TENM2: variants seen among roughly 807,000 people sequenced by gnomAD.
TENM2 encodes teneurin-2.
A neutral mutation model predicts 245.2 loss-of-function variants in TENM2; 52 were observed. The observed-to-expected ratio is 0.21, with a 90% CI of 0.17 to 0.27. TENM2 has a LOEUF of 0.27. Ranked by LOEUF, TENM2 falls within the 10% of genes least tolerant of loss-of-function variation. The pLI is 1.00. For missense variants in TENM2, 3,046 were observed against 3,666.8 expected, an observed-to-expected ratio of 0.83 and a Z score of 4.37; for synonymous variants, 1,363 against 1,438.9, an observed-to-expected ratio of 0.95 and a Z score of 1.19.
In TENM2 at chr5:168,157,567, T is replaced by C. The variant is rs189808142; in HGVS notation, c.2423-5044T>C. On this transcript the variant is annotated intron_variant, in intron 12 of 28. Coordinates refer to ENST00000518659, the Ensembl canonical transcript of TENM2. ...ATTTAGGAAGAAGGACAGATAGGAG[T>C]TCTTGCAGTTAAGAGGAAAATTAGG... Among the ~76,000 whole-genome samples, 472 of 151,916 alleles carry C rather than the reference T, an allele frequency of 3.1e-3. 2 individuals carry two copies. The highest frequency in any genetic ancestry group is 5.2e-3 in the Non-Finnish European group (355 of 67,946).
At chr5:167,422,709 T>A (rs962127622) in intron 2 of TENM2, among the ~76,000 whole-genome samples, 1 of 151,970 alleles carries the variant, frequency 6.6e-6, no homozygotes, top group African/African-American at 2.4e-5. Context: ...CAAAGTGGAG[T>A]GTGTAATCCC....
intron 2 of TENM2, among the ~76,000 whole-genome samples, chr5:167,804,119 G>A (rs1765977499): frequency 6.6e-6 from 1 of 151,972 alleles, no homozygotes; most frequent in South Asian, 2.1e-4. Context: ...GAAATTCGAA[G>A]CATTTCTAGT....
chr5:167,187,435 T>C, the TENM2 span, among the ~76,000 whole-genome samples: 7 of 152,206 alleles, frequency 4.6e-5, no homozygotes, highest in African/African-American at 1.7e-4. Context: ...CTTGCAGTTA[T>C]ATGAGACATT....
chr5:167,850,097 C>A (rs1271322905), intron 2 of TENM2, among the ~76,000 whole-genome samples: 1 of 152,158 alleles, frequency 6.6e-6, no homozygotes, highest in Non-Finnish European at 1.5e-5. Flanking sequence ...GACCAGCCCC[C>A]ACATCCCAAA....
intron 5 of TENM2, among the ~76,000 whole-genome samples, chr5:168,004,517 G>GCGCACACA (rs898616203): frequency 0.012 from 1,548 of 132,148 alleles, 11 homozygotes; most frequent in East Asian, 0.023. Flanking sequence ...GCGCGCGCGC[G>GCGCACACA]CACACACACA....
chr5:167,615,259 A>G (rs1048060194), intron 2 of TENM2, among the ~76,000 whole-genome samples: 3 of 152,234 alleles, frequency 2.0e-5, no homozygotes, highest in East Asian at 1.9e-4. Context: ...ATATTTGTTC[A>G]TGATGATTCT....
At chr5:167,410,385 T>C (rs1663500259) in intron 2 of TENM2, among the ~76,000 whole-genome samples, 1 of 152,046 alleles carries the variant, frequency 6.6e-6, no homozygotes, top group African/African-American at 2.4e-5. Flanking sequence ...TAATAAGCCA[T>C]ATGCTTGATG....
intron 5 of TENM2, among the ~76,000 whole-genome samples, chr5:168,015,264 A>T (rs1316190176): frequency 6.6e-6 from 1 of 152,234 alleles, no homozygotes; most frequent in Non-Finnish European, 1.5e-5. Context: ...ATCATGCTTT[A>T]TGTTTGAGAG....
chr5:167,250,339 C>G, the TENM2 span, among the ~76,000 whole-genome samples: 5 of 151,924 alleles, frequency 3.3e-5, no homozygotes, highest in Admixed American at 1.3e-4. Context: ...ACGAAAAAAA[C>G]AGAAAAGCTT....
chr5:167,234,922 G>A, the TENM2 span, among the ~76,000 whole-genome samples: 1 of 152,098 alleles, frequency 6.6e-6, no homozygotes, highest in African/African-American at 2.4e-5. Flanking sequence ...GCTTCTCAAT[G>A]TAACTGCTTT....
intron 6 of TENM2, among the ~76,000 whole-genome samples, chr5:168,051,700 A>G (rs1239681311): frequency 6.6e-6 from 1 of 152,224 alleles, no homozygotes; most frequent in Admixed American, 6.5e-5. Context: ...CACCAGCTCC[A>G]TCACTTAGCA....
At chr5:167,473,977 C>G (rs1240770900) in intron 2 of TENM2, among the ~76,000 whole-genome samples, 1 of 152,110 alleles carries the variant, frequency 6.6e-6, no homozygotes, top group East Asian at 1.9e-4. Context: ...GGTTCTCAAA[C>G]TCTCTGATAT....
chr5:167,252,025 A>C, the TENM2 span, among the ~76,000 whole-genome samples: 3 of 152,142 alleles, frequency 2.0e-5, no homozygotes, highest in Non-Finnish European at 2.9e-5. Flanking sequence ...GCAAAACAAG[A>C]TTGAGGAATG....
At chr5:167,834,602 A>T (rs964610360) in intron 2 of TENM2, among the ~76,000 whole-genome samples, 2 of 151,804 alleles carry the variant, frequency 1.3e-5, no homozygotes, top group African/African-American at 4.8e-5. Context: ...TTCAACTGCC[A>T]TAAACTGGGC....
rs528982919 is a variant in TENM2 at position 168,079,055 on chromosome 5, T to C, written c.1516-11519T>C. On this transcript the variant is annotated intron_variant, in intron 7 of 28. Coordinates refer to ENST00000518659, the Ensembl canonical transcript of TENM2. ...ATTTTCACAATATTGATTCTTCCTATCCATGAGCATGGAATGTTCTTCCAT... is the reference window on the plus strand; with the variant it reads ...ATTTTCACAATATTGATTCTTCCTACCCATGAGCATGGAATGTTCTTCCAT... Among the ~76,000 whole-genome samples the C allele has an allele frequency of 4.6e-5, 7 of 152,334 alleles. No homozygotes were observed. The South Asian group carries it at 6.2e-4, about 14-fold the overall frequency.
intron 2 of TENM2, among the ~76,000 whole-genome samples, chr5:167,845,239 CCACACACACACACACACACA>C (rs55784312): frequency 4.1e-5 from 4 of 96,928 alleles, no homozygotes; most frequent in African/African-American, 8.2e-5. Flanking sequence ...CCCTCCCGCG[CCACACACACACACACACACA>C]CACACACACA....
intron 2 of TENM2, among the ~76,000 whole-genome samples, chr5:167,677,170 C>A (rs148954002): frequency 1.3e-4 from 20 of 152,098 alleles, no homozygotes; most frequent in African/African-American, 4.6e-4. Flanking sequence ...CTAGTTACCC[C>A]AAGAGAATAA....
At chr5:167,315,142 A>G (rs1756282871) in intron 1 of TENM2, among the ~76,000 whole-genome samples, 1 of 152,124 alleles carries the variant, frequency 6.6e-6, no homozygotes, top group Non-Finnish European at 1.5e-5. Context: ...TTACTAGATC[A>G]AAAAGTATTA....
chr5:167,482,344 A>G (rs1474401200), intron 2 of TENM2, among the ~76,000 whole-genome samples: 1 of 152,190 alleles, frequency 6.6e-6, no homozygotes, highest in Non-Finnish European at 1.5e-5. Context: ...CGTGATTTGT[A>G]TGGTTGAATA....
Sources: allele counts gnomAD v4.1 joint callset (sites outside exome capture counted in the v4.1 genomes callset), GRCh38; gene constraint gnomAD v4.1.1; transcripts MANE v1.5; gene names NCBI Gene and HGNC (gene_info 2026-07-23, HGNC 2026-07-21).